Variants in PLXNC1 observed in about 807,000 individuals in gnomAD.
PLXNC1 encodes the protein plexin C1, also known as plexin-C1.
PLXNC1 carries 75 observed loss-of-function variants against 178.2 expected under a neutral mutation model. The observed-to-expected ratio is 0.42, with a 90% CI of 0.35 to 0.51. PLXNC1 has a LOEUF of 0.51. PLXNC1 is among the 20% of genes least tolerant of loss of function. PLXNC1 has a pLI of 0.02. For missense variants in PLXNC1, 1,503 were observed against 1,984.4 expected (o/e 0.76, Z 4.61); for synonymous variants, 790 against 779.9 (o/e 1.01, Z -0.22).
chr12:94,227,314 T>C, intron 9 of PLXNC1, 79 bp downstream of exon 9: 1 of 805,122 alleles, frequency 1.2e-6, no homozygotes, highest in Non-Finnish European at 2.1e-6. Flanking sequence ...TACTTTGGGT[T>C]CCTTAAAAAA....
chr12:94,251,784 G>A (rs1470536086), intron 15 of PLXNC1, among the ~76,000 whole-genome samples: 1 of 152,202 alleles, frequency 6.6e-6, no homozygotes, highest in Non-Finnish European at 1.5e-5. Context: ...TTGAGGTCAG[G>A]AGTTCAAGAC....
intron 6 of PLXNC1, among the ~76,000 whole-genome samples, chr12:94,221,328 G>A (rs143611911): frequency 2.4e-4 from 36 of 152,192 alleles, no homozygotes; most frequent in African/African-American, 8.4e-4. Context: ...ATCACTTGGA[G>A]GGGTCCAAGT....
intron 4 of PLXNC1, among the ~76,000 whole-genome samples, chr12:94,195,102 G>A (rs1962867264): frequency 6.6e-6 from 1 of 152,018 alleles, no homozygotes; most frequent in Non-Finnish European, 1.5e-5. Context: ...GGGTGGAGAT[G>A]CTGGGTGGGC....
chr12:94,209,826 T>A, intron 5 of PLXNC1, 122 bp downstream of exon 5: 1 of 636,722 alleles, frequency 1.6e-6, no homozygotes. Flanking sequence ...TAGCACTCCA[T>A]TCATTTAGCA....
In PLXNC1 at chr12:94,236,525, C is replaced by T. The variant is rs78333420; in HGVS notation, c.1981-1139C>T. Reference sequence around the variant, plus strand: ...TGGCTCAGGGGCTTCTTCCTGGACTCGGTCCTCCAAGTGGATGCACTCAGC... The same window carrying T: ...TGGCTCAGGGGCTTCTTCCTGGACTTGGTCCTCCAAGTGGATGCACTCAGC... On this transcript the variant is annotated intron_variant, in intron 9 of 30. Transcript: ENST00000258526. 1.9e-3 allele frequency among the ~76,000 whole-genome samples: 290 copies of T among 152,316 alleles called. 1 individual carries two copies. Among genetic ancestry groups the T allele is most frequent in the African/African-American group, 6.6e-3 (274 of 41,560 alleles).
chr12:94,182,173 A>C (rs1189368104), intron 3 of PLXNC1, among the ~76,000 whole-genome samples: 1 of 152,238 alleles, frequency 6.6e-6, no homozygotes, highest in Non-Finnish European at 1.5e-5. Flanking sequence ...ACTATGCATT[A>C]GTCACTATTC....
chr12:94,234,869 T>G (rs1206308767), intron 9 of PLXNC1, among the ~76,000 whole-genome samples: 1 of 152,198 alleles, frequency 6.6e-6, no homozygotes, highest in Non-Finnish European at 1.5e-5. Flanking sequence ...GGGGAAATGA[T>G]TCTTTGCTCT....
At chr12:94,207,782 C>T (rs538793872) in intron 4 of PLXNC1, among the ~76,000 whole-genome samples, 24 of 152,344 alleles carry the variant, frequency 1.6e-4, no homozygotes, top group Non-Finnish European at 2.8e-4. Flanking sequence ...CTACTGTTTT[C>T]TGCCTACAAA....
chr12:94,267,847 CCTT>C (rs1404430589), intron 21 of PLXNC1, among the ~76,000 whole-genome samples: 1 of 152,182 alleles, frequency 6.6e-6, no homozygotes, highest in Non-Finnish European at 1.5e-5. Context: ...TCCCTCCTCC[CCTT>C]CTTTTTCACT....
chr12:94,214,977 A>T (rs987585680), intron 5 of PLXNC1, among the ~76,000 whole-genome samples: 8 of 151,848 alleles, frequency 5.3e-5, no homozygotes, highest in African/African-American at 1.9e-4. Context: ...GTTCACTGCA[A>T]CCTCTGCCTC....
At chr12:94,201,211 T>A (rs927100394) in intron 4 of PLXNC1, among the ~76,000 whole-genome samples, 5 of 152,308 alleles carry the variant, frequency 3.3e-5, no homozygotes, top group African/African-American at 1.2e-4. Flanking sequence ...CCTTTAATAT[T>A]TAGGAGGAAA....
In PLXNC1 at chr12:94,248,110, T is replaced by C. The variant is rs1565829313; in HGVS notation, c.2592+4T>C. 1 of 1,613,734 alleles carries C rather than the reference T, an allele frequency of 6.2e-7. No homozygotes were observed. Among genetic ancestry groups the C allele is most frequent in the Non-Finnish European group, 8.5e-7 (1 of 1,179,694 alleles). Reference sequence around the variant, plus strand: ...AGAACTGGAAGTGAAAATTCAAGTATGTTTCTTTTCTTTCTGGGTGGGATG... The same window carrying C: ...AGAACTGGAAGTGAAAATTCAAGTACGTTTCTTTTCTTTCTGGGTGGGATG... On this transcript the variant is annotated splice_donor_region_variant and intron_variant, in intron 13 of 30. Transcript: ENST00000258526.
At chr12:94,265,250 C>A (rs371095915) in intron 21 of PLXNC1, 25 bp downstream of exon 21, 43 of 1,573,950 alleles carry the variant, frequency 2.7e-5, no homozygotes, top group African/African-American at 6.8e-5. Context: ...AAGCTCCCAG[C>A]CAGACTCCCA....
intron 23 of PLXNC1, among the ~76,000 whole-genome samples, chr12:94,294,273 A>T (rs1967673126): frequency 6.6e-6 from 1 of 151,984 alleles, no homozygotes; most frequent in Admixed American, 6.6e-5. Context: ...AGCCTCCTCC[A>T]CAGGACCATG....
intron 2 of PLXNC1, among the ~76,000 whole-genome samples, chr12:94,179,626 A>G (rs911981379): frequency 1.3e-5 from 2 of 151,742 alleles, no homozygotes; most frequent in African/African-American, 4.8e-5. Flanking sequence ...CTGTAGTCCC[A>G]GCTATTCAGG....
At position 94,270,795 on chromosome 12, in the gene PLXNC1, C is replaced by G. The variant is rs551841503; in HGVS notation, c.3597+5570C>G. Among the ~76,000 whole-genome samples the G allele has an allele frequency of 2.0e-5, 3 of 151,094 alleles. No individual in the cohort carries two copies. The South Asian group carries it at 6.3e-4, about 32-fold the overall frequency. ...TTTTTTTTAAATGGAAAAAGGCTCTCGTTACCCTGTCCTCCACCCCTTACT... is the reference window on the plus strand; with the variant it reads ...TTTTTTTTAAATGGAAAAAGGCTCTGGTTACCCTGTCCTCCACCCCTTACT... On this transcript the variant is annotated intron_variant, in intron 21 of 30. Coordinates refer to ENST00000258526, the MANE Select transcript of PLXNC1 (RefSeq NM_005761.3).
intron 2 of PLXNC1, among the ~76,000 whole-genome samples, chr12:94,174,881 T>C (rs1391098149): frequency 2.0e-5 from 3 of 152,238 alleles, no homozygotes; most frequent in Non-Finnish European, 4.4e-5. Context: ...TTGCAATTTA[T>C]GAGTTTGCAG....
chr12:94,240,975 A>T lies in PLXNC1; in HGVS notation c.2300+311A>T, dbSNP rs113842412. Among the ~76,000 whole-genome samples, 230 of 152,266 alleles carry T rather than the reference A, an allele frequency of 1.5e-3. 1 individual carries two copies. Among genetic ancestry groups the T allele is most frequent in the African/African-American group, 5.5e-3 (227 of 41,542 alleles). ...ACTATGTGTCCCTCCTGCTTGTGATAAAAGGCTTCTTTCTTACCTCTTTCA... is the reference window on the plus strand; with the variant it reads ...ACTATGTGTCCCTCCTGCTTGTGATTAAAGGCTTCTTTCTTACCTCTTTCA... On this transcript the variant is annotated intron_variant, in intron 11 of 30. Transcript: ENST00000258526.
intron 6 of PLXNC1, 87 bp downstream of exon 6, chr12:94,220,250 T>C: frequency 7.6e-7 from 1 of 1,311,508 alleles, no homozygotes; most frequent in Non-Finnish European, 1.1e-6. Context: ...GGAATATGAA[T>C]AGTTCCCCCT....
Sources: allele counts gnomAD v4.1 joint callset (sites outside exome capture counted in the v4.1 genomes callset), GRCh38; gene constraint gnomAD v4.1.1; transcripts MANE v1.5; gene names NCBI Gene and HGNC (gene_info 2026-07-23, HGNC 2026-07-21).